TMEM163: variants seen among roughly 807,000 people sequenced by gnomAD.
TMEM163 encodes the protein transmembrane protein 163.
Under a neutral mutation model 29.3 loss-of-function variants are expected in TMEM163, and 17 were observed. The observed-to-expected ratio is 0.58, with a 90% CI of 0.40 to 0.87. TMEM163 has a LOEUF of 0.87. Among genes scored for constraint, TMEM163 ranks in the 40% least tolerant of loss-of-function variants. The pLI is 0.00. For synonymous variants in TMEM163, 157 were observed against 160.6 expected, an observed-to-expected ratio of 0.98 and a Z score of 0.17; for missense variants, 303 against 381.5, an observed-to-expected ratio of 0.79 and a Z score of 1.71.
At chr2:134,713,407 AAACT>A (rs1684971569) in intron 1 of TMEM163, 88 bp from the exon 2 acceptor site, 3 of 1,574,246 alleles carry the variant, frequency 1.9e-6, no homozygotes, top group African/African-American at 1.4e-5. Context: ...CAAAGATTGC[AAACT>A]AACAGCCCGT....
chr2:134,575,045 G>T (rs773143145), intron 2 of TMEM163, among the ~76,000 whole-genome samples: 3 of 151,930 alleles, frequency 2.0e-5, no homozygotes, highest in Non-Finnish European at 4.4e-5. Context: ...GGGGCTCTGT[G>T]GGGGGGTGGG....
At position 134,508,460 on chromosome 2, in the gene TMEM163, A is replaced by G. The variant is rs115029433; in HGVS notation, c.459-5463T>C. On this transcript the variant is annotated intron_variant, in intron 4 of 7. Coordinates refer to ENST00000281924, the MANE Select transcript of TMEM163 (RefSeq NM_030923.5). Reference sequence around the variant, plus strand: ...CGGTACTTATGACTGCACAATTCCTAATGCTGGTTTTCTCCAGCTAAGCCC... The same window carrying G: ...CGGTACTTATGACTGCACAATTCCTGATGCTGGTTTTCTCCAGCTAAGCCC... Among the ~76,000 whole-genome samples, 1,139 of 152,056 alleles carry G rather than the reference A, an allele frequency of 7.5e-3. 17 individuals carry two copies. Among genetic ancestry groups the G allele is most frequent in the African/African-American group, 0.026 (1,065 of 41,550 alleles).
chr2:134,713,123 A>G, intron 2 of TMEM163, 77 bp downstream of exon 2: 1 of 1,560,072 alleles, frequency 6.4e-7, no homozygotes, highest in Non-Finnish European at 8.6e-7. Flanking sequence ...CTAAAAGCAA[A>G]AGCACATCCC....
chr2:134,537,863 C>T (rs2106501945), intron 4 of TMEM163, among the ~76,000 whole-genome samples: 1 of 152,308 alleles, frequency 6.6e-6, no homozygotes, highest in South Asian at 2.1e-4. Context: ...TGACCCACTA[C>T]TTCAATAGTA....
At chr2:134,516,981 G>C (rs1011677919) in intron 4 of TMEM163, among the ~76,000 whole-genome samples, 4 of 151,958 alleles carry the variant, frequency 2.6e-5, no homozygotes, top group Non-Finnish European at 1.5e-5. Flanking sequence ...TAGTGGATTA[G>C]TTTACATGGA....
chr2:134,534,604 A>G (rs965071902), intron 4 of TMEM163, among the ~76,000 whole-genome samples: 1 of 152,054 alleles, frequency 6.6e-6, no homozygotes, highest in Non-Finnish European at 1.5e-5. Flanking sequence ...ATACCAAAAA[A>G]TTAGCCAGGT....
chr2:134,460,062 C>G lies in TMEM163; in HGVS notation c.668-1889G>C, dbSNP rs533730912. 7.2e-6 allele frequency among the ~76,000 whole-genome samples: 1 copy of G among 138,842 alleles called. No homozygotes were observed. Among genetic ancestry groups the G allele is most frequent in the Admixed American group, 7.5e-5 (1 of 13,358 alleles). The allele number at this position is 138,842 out of a possible 152,430, so 91.1% of individuals were successfully genotyped here. A position where few individuals can be genotyped will look rare whatever the true frequency, so the allele number is the denominator to read the frequency against. ...CACCACCAACCTGCCCCTCGAGCCC[C>G]TTGCCAGATGTTACCCCCCCCCAAA... On this transcript the variant is annotated intron_variant, in intron 6 of 7. Transcript: ENST00000281924. This position sits in a 1 kb window ranked among gnomAD's most constrained non-coding sequence, Gnocchi z 4.3.
intron 2 of TMEM163, among the ~76,000 whole-genome samples, chr2:134,703,240 T>C (rs1684740434): frequency 6.6e-6 from 1 of 152,076 alleles, no homozygotes; most frequent in Non-Finnish European, 1.5e-5. Flanking sequence ...AGGAAGAGTC[T>C]GGGATGCAGC....
At chr2:134,557,679 C>G (rs1681076769) in intron 2 of TMEM163, among the ~76,000 whole-genome samples, 1 of 152,138 alleles carries the variant, frequency 6.6e-6, no homozygotes, top group African/African-American at 2.4e-5. Context: ...GGTAGAGGAA[C>G]AGTCACTTAC....
chr2:134,623,871 C>G (rs1682791107), intron 2 of TMEM163, among the ~76,000 whole-genome samples: 1 of 152,114 alleles, frequency 6.6e-6, no homozygotes, highest in African/African-American at 2.4e-5. Context: ...GCCTCTGACC[C>G]CGAATTTAGT....
chr2:134,462,380 C>T (rs1686564342), intron 6 of TMEM163, among the ~76,000 whole-genome samples: 2 of 152,148 alleles, frequency 1.3e-5, no homozygotes, highest in Admixed American at 1.3e-4. Context: ...TGTCACCCTA[C>T]CTGTTTCAAC....
intron 2 of TMEM163, among the ~76,000 whole-genome samples, chr2:134,578,032 T>G (rs998132631): frequency 1.3e-5 from 2 of 152,082 alleles, no homozygotes; most frequent in African/African-American, 4.8e-5. Context: ...CCAACCCCTC[T>G]CGGGTGCGGA....
intron 2 of TMEM163, among the ~76,000 whole-genome samples, chr2:134,620,347 C>T (rs1329458751): frequency 6.6e-6 from 1 of 152,006 alleles, no homozygotes; most frequent in Admixed American, 6.6e-5. Flanking sequence ...ACCTCCACCT[C>T]CCGGGTTCAA....
chr2:134,649,932 G>C (rs1683427690), intron 2 of TMEM163, among the ~76,000 whole-genome samples: 1 of 146,208 alleles, frequency 6.8e-6, no homozygotes, highest in African/African-American at 2.5e-5. Context: ...TTGAGGCCAA[G>C]AGACTGAGGT....
chr2:134,676,500 A>T (rs1175971897), intron 2 of TMEM163, among the ~76,000 whole-genome samples: 1 of 152,172 alleles, frequency 6.6e-6, no homozygotes. Context: ...CTTTATTGAT[A>T]TACAATTTAT....
chr2:134,577,528 C>T (rs866769233), intron 2 of TMEM163, among the ~76,000 whole-genome samples: 2 of 152,104 alleles, frequency 1.3e-5, no homozygotes, highest in Admixed American at 6.5e-5. Flanking sequence ...GAGCCCTGCA[C>T]GAGGCGCTGA....
chr2:134,592,588 T>A (rs541119641), intron 2 of TMEM163, among the ~76,000 whole-genome samples: 1 of 152,220 alleles, frequency 6.6e-6, no homozygotes, highest in East Asian at 1.9e-4. Context: ...GGAGGGGGTA[T>A]AACAAGGCGT....
chr2:134,477,778 TG>T (rs1686953420), intron 5 of TMEM163, among the ~76,000 whole-genome samples: 1 of 152,166 alleles, frequency 6.6e-6, no homozygotes, highest in South Asian at 2.1e-4. Flanking sequence ...CCTATTGAAA[TG>T]GAAGAACATG....
intron 2 of TMEM163, among the ~76,000 whole-genome samples, chr2:134,632,662 A>G (rs1339091319): frequency 1.3e-5 from 2 of 151,974 alleles, no homozygotes; most frequent in Non-Finnish European, 2.9e-5. Context: ...GCTGCCTTCA[A>G]TCTCTTTTAT....
Sources: allele counts gnomAD v4.1 joint callset (sites outside exome capture counted in the v4.1 genomes callset), GRCh38; gene constraint gnomAD v4.1.1; non-coding constraint Gnocchi (gnomAD v3.1); transcripts MANE v1.5; gene names NCBI Gene and HGNC (gene_info 2026-07-23, HGNC 2026-07-21).